PCDHGA11: variants seen among roughly 807,000 people sequenced by gnomAD.
PCDHGA11 encodes protocadherin gamma-A11.
In PCDHGA11, 39 loss-of-function variants were observed where a neutral mutation model predicts 60.4. That is an observed-to-expected ratio of 0.65 (90% CI 0.50 to 0.84). The LOEUF is 0.84. PCDHGA11 is among the 40% of genes least tolerant of loss of function. PCDHGA11 has a pLI of 0.00. For synonymous variants in PCDHGA11, 533 were observed against 510.3 expected (o/e 1.04, Z -0.60); for missense variants, 1,165 against 1,197.7 (o/e 0.97, Z 0.40).
Position 141,489,640 on chromosome 5 carries a change from G to A in PCDHGA11, c.2434-5167G>A. The A allele has an allele frequency of 1.2e-6, 2 of 1,614,146 alleles. No individual in the cohort carries two copies. Among genetic ancestry groups the A allele is most frequent in the Non-Finnish European group, 1.7e-6 (2 of 1,180,010 alleles). Reference sequence around the variant, plus strand: ...TCTCAATGACAACTCTCCTAGCTTTGCCACCCCTGAGCGAGAGATGCGCAT... The same window carrying A: ...TCTCAATGACAACTCTCCTAGCTTTACCACCCCTGAGCGAGAGATGCGCAT... On this transcript the variant is annotated intron_variant, in intron 1 of 3. Transcript: ENST00000398587. The surrounding 1 kb of genome is among the most constrained non-coding windows in gnomAD (Gnocchi z 4.5).
At position 141,489,300 on chromosome 5, in the gene PCDHGA11, C is replaced by T; in HGVS notation, c.2434-5507C>T. 1 of 1,585,700 alleles carries T rather than the reference C, an allele frequency of 6.3e-7. No individual in the cohort carries two copies. The highest frequency in any genetic ancestry group is 1.3e-5 in the African/African-American group (1 of 74,388). On this transcript the variant is annotated intron_variant, in intron 1 of 3. Coordinates refer to ENST00000398587, the MANE Select transcript of PCDHGA11 (RefSeq NM_018914.3). This position sits in a 1 kb window ranked among gnomAD's most constrained non-coding sequence, Gnocchi z 4.5. The stretch of plus-strand genomic sequence containing the variant: ...AATGGCAAGTGCTGTGCATGTTGTC[C>T]TTGTGCTGCTGGGGCTGGGTGTCTG...
Position 141,423,346 on chromosome 5 carries a change from G to T in PCDHGA11, c.2119G>T (p.Val707Phe). 6.2e-7 allele frequency: 1 copy of T among 1,614,214 alleles called. No homozygotes were observed. The highest frequency in any genetic ancestry group is 1.1e-5 in the South Asian group (1 of 91,088). ...AVAAVSCIFL[V>F]FVIVLLALRL... ...GGCCGCAGTCTCCTGCATCTTCCTG[G>T]TCTTTGTCATCGTGCTGCTGGCACT... Residue 707 changes from valine (V) to phenylalanine (F), a missense_variant, in exon 1 of 4, where the codon GTC (valine) becomes TTC (phenylalanine). Transcript: ENST00000398587.
chr5:141,476,123 C>G lies in PCDHGA11; in HGVS notation c.2434-18684C>G. Reference sequence around the variant, plus strand: ...GGAACTGCTTTTGAGTGAGATGGTCCCAGAGGCCTGGAGGAGCGGACTGGT... The same window carrying G: ...GGAACTGCTTTTGAGTGAGATGGTCGCAGAGGCCTGGAGGAGCGGACTGGT... On this transcript the variant is annotated intron_variant, in intron 1 of 3. Coordinates refer to ENST00000398587, the MANE Select transcript of PCDHGA11 (RefSeq NM_018914.3). This position sits in a 1 kb window ranked among gnomAD's most constrained non-coding sequence, Gnocchi z 7.6. 1 of 1,602,442 alleles carries G rather than the reference C, an allele frequency of 6.2e-7. No individual in the cohort carries two copies. The highest frequency in any genetic ancestry group is 8.5e-7 in the Non-Finnish European group (1 of 1,176,022).
intron 1 of PCDHGA11, among the ~76,000 whole-genome samples, chr5:141,483,432 A>G (rs756227206): frequency 2.0e-5 from 3 of 152,200 alleles, no homozygotes; most frequent in African/African-American, 4.8e-5. Flanking sequence ...GAGGGAGCTG[A>G]CTACAATAAA....
chr5:141,510,307 G>C (rs1250172295), intron 3 of PCDHGA11, among the ~76,000 whole-genome samples: 1 of 151,446 alleles, frequency 6.6e-6, no homozygotes, highest in African/African-American at 2.4e-5. Context: ...TTTTGAAATG[G>C]AGGCTTGGAA....
intron 1 of PCDHGA11, chr5:141,430,592 C>A (rs2097296542): frequency 1.8e-6 from 1 of 544,568 alleles, no homozygotes; most frequent in Non-Finnish European, 2.9e-6. Flanking sequence ...TCGCCTTGCA[C>A]GCGCCTGAAG....
At chr5:141,443,713 A>G (rs774603084) in intron 1 of PCDHGA11, among the ~76,000 whole-genome samples, 19 of 152,246 alleles carry the variant, frequency 1.2e-4, no homozygotes, top group Admixed American at 8.5e-4. Flanking sequence ...ACATTTGCAT[A>G]TAAAATTCCT....
intron 2 of PCDHGA11, among the ~76,000 whole-genome samples, chr5:141,502,124 A>G (rs4912762): frequency 0.55 from 83,213 of 152,012 alleles, 23,486 homozygotes; most frequent in African/African-American, 0.67. Flanking sequence ...CCAGGCCCAC[A>G]GAGCTCAGTC....
intron 1 of PCDHGA11, among the ~76,000 whole-genome samples, chr5:141,439,132 G>C (rs1180893484): frequency 6.6e-6 from 1 of 151,054 alleles, no homozygotes; most frequent in African/African-American, 2.4e-5. Context: ...GACAGAGGTT[G>C]CAGTGAGCTG....
At chr5:141,466,094 C>T (rs1462266046) in intron 1 of PCDHGA11, among the ~76,000 whole-genome samples, 1 of 152,040 alleles carries the variant, frequency 6.6e-6, no homozygotes, top group Non-Finnish European at 1.5e-5. Flanking sequence ...TGCACTCCAG[C>T]CTGGGCAACA....
At position 141,505,200 on chromosome 5, in the gene PCDHGA11, G is replaced by T. The variant is rs528060752; in HGVS notation, c.2493-193G>T. On this transcript the variant is annotated intron_variant, in intron 2 of 3. Transcript: ENST00000398587. ...AAAGCATCGGAGGCAGCAAAGAGCTGGTTTGAGGGACTGACTTGTGGGATT... is the reference window on the plus strand; with the variant it reads ...AAAGCATCGGAGGCAGCAAAGAGCTTGTTTGAGGGACTGACTTGTGGGATT... Among the ~76,000 whole-genome samples the T allele has an allele frequency of 6.6e-5, 10 of 152,244 alleles. No individual in the cohort carries two copies. The East Asian group carries it at 7.7e-4, about 12-fold the overall frequency.
intron 1 of PCDHGA11, among the ~76,000 whole-genome samples, chr5:141,456,572 C>T (rs958661783): frequency 6.6e-6 from 1 of 152,168 alleles, no homozygotes; most frequent in Non-Finnish European, 1.5e-5. Flanking sequence ...CCACATTTTC[C>T]CTGAGCCTGT....
Position 141,486,676 on chromosome 5 carries a change from T to A in PCDHGA11, c.2434-8131T>A, listed in dbSNP as rs375080564. On this transcript the variant is annotated intron_variant, in intron 1 of 3. Coordinates refer to ENST00000398587, the MANE Select transcript of PCDHGA11 (RefSeq NM_018914.3). This position sits in a 1 kb window ranked among gnomAD's most constrained non-coding sequence, Gnocchi z 5.0. ...CACTCCTGGAGCCCAGGAATCGAGA[T>A]GTATCAGCTTCCTCTTTCATCTCTC... 3 of 1,614,002 alleles carry A rather than the reference T, an allele frequency of 1.9e-6. No homozygotes were observed. The highest frequency in any genetic ancestry group is 2.5e-6 in the Non-Finnish European group (3 of 1,180,036).
intron 1 of PCDHGA11, among the ~76,000 whole-genome samples, chr5:141,469,134 G>T (rs2099192163): frequency 6.6e-6 from 1 of 151,944 alleles, no homozygotes; most frequent in Non-Finnish European, 1.5e-5. Context: ...AAATTAGCCA[G>T]AAATGGTGGC....
intron 1 of PCDHGA11, chr5:141,426,713 AC>A: frequency 2.2e-6 from 1 of 445,196 alleles, no homozygotes; most frequent in Middle Eastern, 3.3e-4. Flanking sequence ...AAATCAATGA[AC>A]TAGCAATTCC....
At chr5:141,428,987 T>G (rs1185184865) in intron 1 of PCDHGA11, 2 of 152,288 alleles carry the variant, frequency 1.3e-5, no homozygotes, top group Non-Finnish European at 2.9e-5. Context: ...CCCGGGTAGC[T>G]GGGACTACAG....
In PCDHGA11 at chr5:141,422,260, G is replaced by A; in HGVS notation, c.1033G>A (p.Ala345Thr). ...LITVVDVNDN[A>T]PEITITSSIN... ...CACTGTTGTGGATGTGAATGATAAC[G>A]CTCCAGAAATAACTATCACCTCTTC... The change falls in exon 1 of 4, where the codon GCT (alanine) becomes ACT (threonine). Residue 345 changes from alanine to threonine, a missense_variant. Transcript: ENST00000398587. 6.4e-7 allele frequency: 1 copy of A among 1,564,392 alleles called. No homozygotes were observed. Among genetic ancestry groups the A allele is most frequent in the South Asian group, 1.2e-5 (1 of 80,762 alleles).
chr5:141,477,268 C>A lies in PCDHGA11; in HGVS notation c.2434-17539C>A, dbSNP rs2099408532. On this transcript the variant is annotated intron_variant, in intron 1 of 3. Transcript: ENST00000398587. This position sits in a 1 kb window ranked among gnomAD's most constrained non-coding sequence, Gnocchi z 4.9. ...TGACTGACCTGGATGCTGGCGAGAA[C>A]GGGCTGGTGACCTGCGAAGTTCCAC... 1.2e-6 allele frequency: 2 copies of A among 1,614,078 alleles called. No individual in the cohort carries two copies. Among genetic ancestry groups the A allele is most frequent in the Non-Finnish European group, 1.7e-6 (2 of 1,180,038 alleles).
At chr5:141,435,644 T>A (rs913195454) in intron 1 of PCDHGA11, among the ~76,000 whole-genome samples, 1 of 152,170 alleles carries the variant, frequency 6.6e-6, no homozygotes, top group Non-Finnish European at 1.5e-5. Flanking sequence ...TGGGAAAATT[T>A]CTGAAACGTG....
Sources: gnomAD v4.1 joint callset for allele counts (sites outside exome capture counted in the v4.1 genomes callset) on GRCh38, gnomAD v4.1.1 for gene constraint, Gnocchi (gnomAD v3.1) non-coding constraint, MANE v1.5 for transcripts, NCBI Gene and HGNC (gene_info 2026-07-23, HGNC 2026-07-21) for gene names.